The following RBFOX3 variants were observed in gnomAD, a reference collection of about 807,000 sequenced individuals.
RBFOX3 encodes the protein RNA binding protein fox-1 homolog 3.
In RBFOX3, 17 loss-of-function variants were observed where a neutral mutation model predicts 48.7. The observed-to-expected ratio is 0.35, with a 90% CI of 0.24 to 0.52. The LOEUF is 0.52. Ranked by LOEUF, RBFOX3 falls within the 20% of genes least tolerant of loss-of-function variation. RBFOX3 has a pLI of 0.94. For synonymous variants in RBFOX3, 212 were observed against 209.5 expected, an observed-to-expected ratio of 1.01 and a Z score of -0.10; for missense variants, 382 against 497.5, an observed-to-expected ratio of 0.77 and a Z score of 2.21.
chr17:79,642,295 A>G, the RBFOX3 span, among the ~76,000 whole-genome samples: 101 of 152,322 alleles, frequency 6.6e-4, no homozygotes, highest in African/African-American at 2.4e-3. Flanking sequence ...TCTAATGTAC[A>G]TTATGGTGAC....
chr17:79,299,976 C>T lies in RBFOX3; in HGVS notation c.-74+7748G>A, dbSNP rs1041792538. 3.3e-5 allele frequency among the ~76,000 whole-genome samples: 5 copies of T among 151,816 alleles called. No homozygotes were observed. The highest frequency in any genetic ancestry group is 7.4e-5 in the Non-Finnish European group (5 of 67,986). On this transcript the variant is annotated intron_variant, in intron 3 of 14. Coordinates refer to ENST00000693108, the MANE Select transcript of RBFOX3 (RefSeq NM_001350451.2). This position sits in a 1 kb window ranked among gnomAD's most constrained non-coding sequence, Gnocchi z 4.5. ...CTGGAGTGCAGTGGCATGATCTCGG[C>T]TCACTGCAACCTCTGCCTCCCGGGT...
intron 2 of RBFOX3, among the ~76,000 whole-genome samples, chr17:79,422,547 G>A (rs2066609566): frequency 6.6e-6 from 1 of 152,184 alleles, no homozygotes; most frequent in South Asian, 2.1e-4. Flanking sequence ...CTTCATTTGC[G>A]GAAGCCGCCA....
chr17:79,520,711 G>T (rs2085936607), intron 1 of RBFOX3, among the ~76,000 whole-genome samples: 1 of 152,356 alleles, frequency 6.6e-6, no homozygotes, highest in South Asian at 2.1e-4. Flanking sequence ...CCTCAGGCTG[G>T]CAGAGCACAA....
At chr17:79,584,274 CTT>C (rs2093168281) in intron 1 of RBFOX3, among the ~76,000 whole-genome samples, 1 of 152,204 alleles carries the variant, frequency 6.6e-6, no homozygotes, top group South Asian at 2.1e-4. Flanking sequence ...GCAGGGAACA[CTT>C]TTACACTGCT....
At chr17:79,525,153 C>T (rs1473973221) in intron 1 of RBFOX3, among the ~76,000 whole-genome samples, 1 of 152,184 alleles carries the variant, frequency 6.6e-6, no homozygotes, top group Non-Finnish European at 1.5e-5. Context: ...GAGTTCATTC[C>T]TAGTTGTGGG....
intron 1 of RBFOX3, among the ~76,000 whole-genome samples, chr17:79,532,209 G>GGA (rs1382181773): frequency 1.4e-4 from 21 of 152,078 alleles, no homozygotes; most frequent in African/African-American, 4.8e-4. Context: ...AGGGGGGAGG[G>GGA]GAGGAGGAAG....
chr17:79,102,360 G>A (rs1386725533), intron 8 of RBFOX3, among the ~76,000 whole-genome samples: 4 of 152,322 alleles, frequency 2.6e-5, no homozygotes, highest in South Asian at 4.1e-4. Flanking sequence ...CCCCGAGGGC[G>A]TGGGGCTGCA....
intron 2 of RBFOX3, among the ~76,000 whole-genome samples, chr17:79,365,035 G>C (rs1015889339): frequency 4.6e-5 from 7 of 152,150 alleles, no homozygotes; most frequent in Non-Finnish European, 1.0e-4. Context: ...ACATTAACTA[G>C]AGTTGGTGGG....
At position 79,234,721 on chromosome 17, in the gene RBFOX3, C is replaced by CTTTTTTT. The variant is rs71161654; in HGVS notation, c.-34+1038_-34+1044dup. On this transcript the variant is annotated intron_variant, in intron 4 of 14. Coordinates refer to ENST00000693108, the MANE Select transcript of RBFOX3 (RefSeq NM_001350451.2). ...TTGGGTTTATTGGGGGCATTAAGTGCTTTTTTTTTTTTTTTTTTTTTTTTT... is the reference window on the plus strand; with the variant it reads ...TTGGGTTTATTGGGGGCATTAAGTGCTTTTTTTTTTTTTTTTTTTTTTTTTTTTTTTT... 70 of 61,832 alleles carry CTTTTTTT rather than the reference C, an allele frequency of 1.1e-3. 20 individuals carry two copies. Among genetic ancestry groups the CTTTTTTT allele is most frequent in the African/African-American group, 5.4e-3 (68 of 12,592 alleles). 3.8% of individuals were successfully genotyped at this position (61,832 alleles called of 1,614,324 possible). A position where few individuals can be genotyped will look rare whatever the true frequency, so the allele number is the denominator to read the frequency against.
intron 1 of RBFOX3, among the ~76,000 whole-genome samples, chr17:79,602,481 G>A (rs1268161812): frequency 3.9e-5 from 6 of 152,166 alleles, no homozygotes; most frequent in Admixed American, 2.6e-4. Flanking sequence ...GCAGCTGGGG[G>A]CACGCAGCCA....
intron 2 of RBFOX3, among the ~76,000 whole-genome samples, chr17:79,413,181 GCCCAGA>G (rs1185061369): frequency 6.6e-6 from 1 of 152,196 alleles, no homozygotes; most frequent in Non-Finnish European, 1.5e-5. Flanking sequence ...CCTCAAATCA[GCCCAGA>G]CCCAGCCTCA....
At chr17:79,546,261 C>T (rs1420035748) in intron 1 of RBFOX3, among the ~76,000 whole-genome samples, 1 of 152,192 alleles carries the variant, frequency 6.6e-6, no homozygotes, top group African/African-American at 2.4e-5. Context: ...CCCACCAACA[C>T]AGAGGATCCA....
rs1199553219 is a variant in RBFOX3, at chr17:79,482,610, A to G, written c.-319-12T>C. On this transcript the variant is annotated splice_polypyrimidine_tract_variant and intron_variant, in intron 1 of 14. Coordinates refer to ENST00000693108, the MANE Select transcript of RBFOX3 (RefSeq NM_001350451.2). This position sits in a 1 kb window ranked among gnomAD's most constrained non-coding sequence, Gnocchi z 4.1. Reference sequence around the variant, plus strand: ...GGCAGAATTTCAACCTGCAGGGGGAAAAAAGCAAGTAAAAAAATTGCCTTT... The same window carrying G: ...GGCAGAATTTCAACCTGCAGGGGGAGAAAAGCAAGTAAAAAAATTGCCTTT... 8 of 152,152 alleles carry G rather than the reference A, an allele frequency of 5.3e-5. No homozygotes were observed. The highest frequency in any genetic ancestry group is 1.9e-4 in the East Asian group (1 of 5,192). 9.4% of individuals were successfully genotyped at this position (152,152 alleles called of 1,614,324 possible).
chr17:79,442,687 C>G (rs2071392820), intron 2 of RBFOX3, among the ~76,000 whole-genome samples: 1 of 151,996 alleles, frequency 6.6e-6, no homozygotes, highest in African/African-American at 2.4e-5. Context: ...GAGGACCCTG[C>G]ACTGCTTCCC....
chr17:79,539,919 G>T (rs1299877903), intron 1 of RBFOX3, among the ~76,000 whole-genome samples: 14 of 152,152 alleles, frequency 9.2e-5, no homozygotes, highest in Admixed American at 5.2e-4. Flanking sequence ...GGTCCCACGC[G>T]ATGTGTAACA....
intron 2 of RBFOX3, among the ~76,000 whole-genome samples, chr17:79,422,380 C>A (rs1210023270): frequency 6.6e-6 from 1 of 151,698 alleles, no homozygotes; most frequent in South Asian, 2.1e-4. Flanking sequence ...TGCCACAGCA[C>A]CCCCACTGCC....
intron 4 of RBFOX3, among the ~76,000 whole-genome samples, chr17:79,141,353 C>T (rs1330884491): frequency 6.6e-6 from 1 of 152,210 alleles, no homozygotes; most frequent in Non-Finnish European, 1.5e-5. Context: ...GGGAGTTACC[C>T]AGAGAGCAGG....
At chr17:79,268,119 G>A (rs898524) in intron 3 of RBFOX3, among the ~76,000 whole-genome samples, 89,658 of 151,710 alleles carry the variant, frequency 0.59, 26,993 homozygotes, top group East Asian at 0.81. Context: ...GAGTAGATGC[G>A]TTTCCTGGCT....
At chr17:79,656,641 AG>A in the RBFOX3 span, among the ~76,000 whole-genome samples, 153 of 135,008 alleles carry the variant, frequency 1.1e-3, 2 homozygotes, top group African/African-American at 4.7e-3. Context: ...AAAGAAAGGA[AG>A]AGAAGAAAGA....
Sources: allele counts gnomAD v4.1 joint callset (sites outside exome capture counted in the v4.1 genomes callset), GRCh38; gene constraint gnomAD v4.1.1; non-coding constraint Gnocchi (gnomAD v3.1); transcripts MANE v1.5; gene names NCBI Gene and HGNC (gene_info 2026-07-23, HGNC 2026-07-21).